Variants in PNLDC1 observed in about 807,000 individuals in gnomAD.
PNLDC1 encodes the protein poly(A)-specific ribonuclease PNLDC1.
PNLDC1 carries 70 observed loss-of-function variants against 82.0 expected under a neutral mutation model. The ratio of observed to expected loss-of-function variants is 0.85; its 90% CI spans 0.70 to 1.04. PNLDC1 has a LOEUF of 1.04. Among genes scored for constraint, PNLDC1 ranks in the 50% least tolerant of loss-of-function variants. The pLI, the probability that PNLDC1 is intolerant of heterozygous loss-of-function variation, is 0.00. For synonymous variants in PNLDC1, 280 were observed against 249.3 expected (o/e 1.12, Z -1.16); for missense variants, 631 against 661.1 (o/e 0.95, Z 0.50).
At position 159,800,849 on chromosome 6, in the gene PNLDC1, C is replaced by G. The variant is rs773659827; in HGVS notation, c.134+20C>G. ...GATCAGGTAAAACTAAAGCTGTGTC[C>G]CCTCTGTATAAGAGCCTGGCCAGAC... On this transcript the variant is annotated intron_variant, in intron 2 of 18. Coordinates refer to ENST00000392167, the MANE Select transcript of PNLDC1 (RefSeq NM_001271862.2). The G allele has an allele frequency of 8.7e-6, 14 of 1,613,972 alleles. No homozygotes were observed. Among genetic ancestry groups the G allele is most frequent in the Admixed American group, 1.7e-5 (1 of 60,024 alleles).
At chr6:159,800,270 C>T, upstream of PNLDC1, 1 of 1,469,570 alleles carries the variant, frequency 6.8e-7, no homozygotes, top group Non-Finnish European at 9.2e-7. Context: ...GTGGGCAGCA[C>T]GTGATAGCGC....
At position 159,820,701 on chromosome 6, in the gene PNLDC1, C is replaced by A. The variant is rs987160705; in HGVS notation, c.*184C>A. 4 of 618,556 alleles carry A rather than the reference C, an allele frequency of 6.5e-6. No homozygotes were observed. In the African/African-American group the frequency reaches 7.3e-5, roughly 11 times the overall value. The allele number at this position is 618,556 out of a possible 1,614,324, so 38.3% of individuals were successfully genotyped here. ...CAATGATAAATCAGTCCTTAGATAT[C>A]GTACCTGTATGTGTGGTCAGAACTT... On this transcript the variant is annotated 3_prime_UTR_variant, in exon 19 of 19. Transcript: ENST00000392167.
At chr6:159,808,587 G>C (rs1781534713) in intron 7 of PNLDC1, among the ~76,000 whole-genome samples, 153 bp from the exon 8 acceptor site, 1 of 149,610 alleles carries the variant, frequency 6.7e-6, no homozygotes, top group East Asian at 2.0e-4. Flanking sequence ...TGACAGGCCA[G>C]GCCCTGCCAC....
rs181607194 is a variant in PNLDC1, at chr6:159,811,708, C to T, written c.861C>T (p.Tyr287=). Residue 287 remains tyrosine, a synonymous_variant, in exon 11 of 19, where the codon TAC becomes TAT. Coordinates refer to ENST00000392167, the MANE Select transcript of PNLDC1 (RefSeq NM_001271862.2). Reference sequence around the variant, plus strand: ...CTGGGTTTTTCCCCTCAGAAAGCTACGATCAATTTAAGCAGAATATCCACA... The same window carrying T: ...CTGGGTTTTTCCCCTCAGAAAGCTATGATCAATTTAAGCAGAATATCCACA... ...EKFFRPLPES[Y]DQFKQNIHSL... is the part of the protein sequence containing the mutation. The T allele has an allele frequency of 6.9e-5, 112 of 1,612,832 alleles. No individual in the cohort carries two copies. The Admixed American group carries it at 1.8e-3, about 25-fold the overall frequency.
At chr6:159,803,623 A>G (rs1562496625) in intron 4 of PNLDC1, among the ~76,000 whole-genome samples, 1 of 152,312 alleles carries the variant, frequency 6.6e-6, no homozygotes, top group Admixed American at 6.5e-5. Context: ...AGTGATGTTT[A>G]AACTACCTGA....
chr6:159,817,059 A>C (rs1192524748), intron 14 of PNLDC1, 50 bp from the exon 15 acceptor site: 1 of 1,523,172 alleles, frequency 6.6e-7, no homozygotes, highest in East Asian at 2.2e-5. Flanking sequence ...AAGCATAAGC[A>C]TGCACATTTT....
intron 2 of PNLDC1, 112 bp downstream of exon 2, chr6:159,800,941 T>C (rs1781228057): frequency 2.0e-6 from 3 of 1,507,564 alleles, no homozygotes; most frequent in Non-Finnish European, 2.7e-6. Context: ...GGCTTGCTCC[T>C]ACGTGTTGGA....
chr6:159,811,584 T>C (rs1246392336), intron 10 of PNLDC1, 117 bp from the exon 11 acceptor site: 1 of 743,254 alleles, frequency 1.3e-6, no homozygotes, highest in Non-Finnish European at 2.3e-6. Context: ...TCAATTCCTG[T>C]TTTGTTTCAG....
intron 11 of PNLDC1, 71 bp downstream of exon 11, chr6:159,811,857 G>A: frequency 8.4e-7 from 1 of 1,191,640 alleles, no homozygotes; most frequent in South Asian, 1.3e-5. Flanking sequence ...TTCTCTTGTG[G>A]GGTTTTTTTC....
intron 10 of PNLDC1, among the ~76,000 whole-genome samples, chr6:159,810,806 TAGG>T (rs1200084570): frequency 6.6e-6 from 1 of 152,226 alleles, no homozygotes; most frequent in Non-Finnish European, 1.5e-5. Flanking sequence ...AAGAAAGTTT[TAGG>T]AGCCATTTCC....
At chr6:159,817,393 G>A (rs912624137) in intron 15 of PNLDC1, among the ~76,000 whole-genome samples, 7 of 152,286 alleles carry the variant, frequency 4.6e-5, no homozygotes, top group Non-Finnish European at 7.4e-5. Context: ...CCTCATCCCC[G>A]CAGATGTCAG....
At chr6:159,813,526 C>G (rs1781710567) in intron 11 of PNLDC1, 75 bp from the exon 12 acceptor site, 1 of 1,332,978 alleles carries the variant, frequency 7.5e-7, no homozygotes, top group African/African-American at 1.4e-5. Flanking sequence ...TTTTAATGAC[C>G]ATTTGGTACT....
At chr6:159,800,685 G>A (rs759285022) in intron 1 of PNLDC1, 87 bp from the exon 2 acceptor site, 6 of 1,613,972 alleles carry the variant, frequency 3.7e-6, no homozygotes, top group Non-Finnish European at 5.1e-6. Flanking sequence ...GTGAGCGCGG[G>A]TGCCTTGGCC....
At position 159,818,584 on chromosome 6, in the gene PNLDC1, C is replaced by A; in HGVS notation, c.1187C>A (p.Pro396His). Residue 396 changes from proline to histidine, a missense_variant, in exon 16 of 19, where the codon CCT (proline) becomes CAT (histidine). Pro to His is a moderately conservative substitution (Grantham distance 77). Transcript: ENST00000392167. ...HIDPVPESSF[P>H]QYLDVLAPYV... ...GACCCCGTGCCCGAGTCATCCTTTC[C>A]TCAGTACCTTGACGTGCTGGCTCCT... is the stretch of plus-strand genomic sequence containing the variant. The A allele has an allele frequency of 1.9e-6, 3 of 1,613,908 alleles. No homozygotes were observed. Among genetic ancestry groups the A allele is most frequent in the Non-Finnish European group, 2.5e-6 (3 of 1,180,044 alleles).
At chr6:159,807,430 A>G (rs1781488684) in intron 7 of PNLDC1, among the ~76,000 whole-genome samples, 1 of 152,190 alleles carries the variant, frequency 6.6e-6, no homozygotes, top group African/African-American at 2.4e-5. Flanking sequence ...CAAGGAAGAT[A>G]ACTCGCAGTA....
chr6:159,803,816 G>A, intron 4 of PNLDC1, 149 bp from the exon 5 acceptor site: 2 of 868,168 alleles, frequency 2.3e-6, no homozygotes, highest in Non-Finnish European at 3.5e-6. Flanking sequence ...CACCCCCAGT[G>A]CCAATCATAG....
At chr6:159,800,457 G>A in intron 1 of PNLDC1, 74 bp downstream of exon 1, 1 of 1,484,602 alleles carries the variant, frequency 6.7e-7, no homozygotes, top group Non-Finnish European at 9.1e-7. Flanking sequence ...GGGGGTGGCG[G>A]GACGGTTGCC....
In PNLDC1 at chr6:159,818,961, G is replaced by C; in HGVS notation, c.1273G>C (p.Asp425His). The change falls in exon 17 of 19, where the codon GAT becomes CAT. Residue 425 changes from aspartate to histidine, a missense_variant. Physicochemically the swap from Asp to His is moderately conservative, Grantham distance 81. Coordinates refer to ENST00000392167, the MANE Select transcript of PNLDC1 (RefSeq NM_001271862.2). ...GVPKINFSGP[D>H]YPSIRPPILI... is the part of the protein sequence containing the mutation. The stretch of plus-strand genomic sequence containing the variant: ...TGTTTTCTAGAATTTTTCTGGTCCA[G>C]ATTATCCCAGTATCCGACCTCCCAT... 6.2e-7 allele frequency: 1 copy of C among 1,613,958 alleles called. No individual in the cohort carries two copies. The highest frequency in any genetic ancestry group is 8.5e-7 in the Non-Finnish European group (1 of 1,179,992).
chr6:159,814,295 C>T (rs1050902747), intron 12 of PNLDC1, among the ~76,000 whole-genome samples: 4 of 152,084 alleles, frequency 2.6e-5, no homozygotes, highest in African/African-American at 7.2e-5. Flanking sequence ...TGTGTGTGTG[C>T]GATTTTTTAA....
Sources: gnomAD v4.1 joint callset for allele counts (sites outside exome capture counted in the v4.1 genomes callset) on GRCh38, gnomAD v4.1.1 for gene constraint, MANE v1.5 for transcripts, NCBI Gene and HGNC (gene_info 2026-07-23, HGNC 2026-07-21) for gene names.